The following KCNH8 variants were observed in gnomAD, a reference collection of about 807,000 sequenced individuals.
The protein encoded by KCNH8 is potassium voltage-gated channel subfamily H member 8.
In KCNH8, 70 loss-of-function variants were observed where a neutral mutation model predicts 103.6. The ratio of observed to expected loss-of-function variants is 0.68; its 90% CI spans 0.56 to 0.82. The LOEUF is 0.82. Ranked by LOEUF, KCNH8 falls within the 40% of genes least tolerant of loss-of-function variation. The pLI, the probability that KCNH8 is intolerant of heterozygous loss-of-function variation, is 0.00. For synonymous variants in KCNH8, 498 were observed against 489.4 expected (o/e 1.02, Z -0.23); for missense variants, 1,217 against 1,329.9 (o/e 0.92, Z 1.32).
intron 2 of KCNH8, 61 bp downstream of exon 2, chr3:19,253,948 A>C (rs2064313261): frequency 8.4e-7 from 1 of 1,184,110 alleles, no homozygotes. Flanking sequence ...CTTTCAACCT[A>C]GTAATTGCTC....
intron 11 of KCNH8, among the ~76,000 whole-genome samples, chr3:19,481,495 G>T (rs2068086162): frequency 6.6e-6 from 1 of 152,022 alleles, no homozygotes; most frequent in Admixed American, 6.5e-5. Context: ...ACTCAAAATT[G>T]GATAAGACTG....
intron 2 of KCNH8, among the ~76,000 whole-genome samples, chr3:19,257,398 G>C (rs562341368): frequency 6.6e-6 from 1 of 151,820 alleles, no homozygotes; most frequent in South Asian, 2.1e-4. Context: ...ATTCTTTCTC[G>C]TTATCCTTCA....
intron 1 of KCNH8, among the ~76,000 whole-genome samples, chr3:19,227,796 G>A (rs539668751): frequency 3.9e-5 from 6 of 152,208 alleles, no homozygotes; most frequent in South Asian, 2.1e-4. Context: ...GGTCAAAGTC[G>A]GTGGTCATGA....
intron 7 of KCNH8, among the ~76,000 whole-genome samples, chr3:19,419,712 C>T (rs1406603019): frequency 6.6e-6 from 1 of 151,542 alleles, no homozygotes; most frequent in African/African-American, 2.4e-5. Context: ...TTACGAAGGC[C>T]CCCATTTTAA....
At chr3:19,262,232 C>A (rs1264901497) in intron 2 of KCNH8, among the ~76,000 whole-genome samples, 1 of 151,906 alleles carries the variant, frequency 6.6e-6, no homozygotes, top group Non-Finnish European at 1.5e-5. Flanking sequence ...TCTTCCAATC[C>A]ATGAGCATGG....
intron 3 of KCNH8, among the ~76,000 whole-genome samples, chr3:19,297,874 C>T (rs1220815947): frequency 6.6e-6 from 1 of 152,098 alleles, no homozygotes; most frequent in African/African-American, 2.4e-5. Context: ...ATCAAGCTCT[C>T]CAGAAGTACC....
At chr3:19,230,788 C>T (rs1444447888) in intron 1 of KCNH8, among the ~76,000 whole-genome samples, 1 of 152,172 alleles carries the variant, frequency 6.6e-6, no homozygotes, top group Non-Finnish European at 1.5e-5. Context: ...ACTTGTATAT[C>T]TTTCATAAGG....
chr3:19,373,802 T>A (rs2066143719), intron 5 of KCNH8, among the ~76,000 whole-genome samples: 1 of 152,118 alleles, frequency 6.6e-6, no homozygotes, highest in African/African-American at 2.4e-5. Context: ...GATTCTGGTA[T>A]GTTGTGTCTT....
At chr3:19,433,018 T>G (rs1051489221) in intron 7 of KCNH8, among the ~76,000 whole-genome samples, 3 of 151,710 alleles carry the variant, frequency 2.0e-5, no homozygotes, top group African/African-American at 7.3e-5. Context: ...TTTTGGGGGG[T>G]TTTTTTGTAC....
At chr3:19,352,949 T>C (rs902962723) in intron 5 of KCNH8, among the ~76,000 whole-genome samples, 1 of 147,318 alleles carries the variant, frequency 6.8e-6, no homozygotes, top group Non-Finnish European at 1.5e-5. Flanking sequence ...CCAGGAGCTG[T>C]TTTTTTTTAA....
At chr3:19,380,441 C>T (rs1353630127) in intron 5 of KCNH8, among the ~76,000 whole-genome samples, 1 of 152,124 alleles carries the variant, frequency 6.6e-6, no homozygotes, top group Non-Finnish European at 1.5e-5. Flanking sequence ...TTTAATTCCT[C>T]CTGGCCCACT....
At chr3:19,292,817 G>A (rs1559462933) in intron 3 of KCNH8, among the ~76,000 whole-genome samples, 3 of 152,182 alleles carry the variant, frequency 2.0e-5, no homozygotes, top group African/African-American at 7.2e-5. Context: ...AAAGCCAAGG[G>A]CCTCTTTCTA....
At chr3:19,357,677 A>G (rs1261433025) in intron 5 of KCNH8, among the ~76,000 whole-genome samples, 1 of 151,930 alleles carries the variant, frequency 6.6e-6, no homozygotes, top group East Asian at 1.9e-4. Flanking sequence ...AGATTATGCC[A>G]TAAAGTTGTA....
chr3:19,354,102 C>T (rs2065844543), intron 5 of KCNH8, among the ~76,000 whole-genome samples: 1 of 151,702 alleles, frequency 6.6e-6, no homozygotes, highest in African/African-American at 2.4e-5. Flanking sequence ...AGACAGAGAG[C>T]CAAATCATGA....
intron 7 of KCNH8, among the ~76,000 whole-genome samples, chr3:19,434,438 T>G (rs1433425841): frequency 6.6e-6 from 1 of 152,232 alleles, no homozygotes; most frequent in Non-Finnish European, 1.5e-5. Context: ...CTTATCCTGA[T>G]ATCTCTCAGT....
intron 11 of KCNH8, among the ~76,000 whole-genome samples, chr3:19,478,217 C>T (rs746128492): frequency 3.3e-5 from 5 of 151,832 alleles, no homozygotes; most frequent in South Asian, 2.1e-4. Context: ...CATATCTTTG[C>T]TATTGTGACT....
intron 15 of KCNH8, among the ~76,000 whole-genome samples, chr3:19,531,940 A>G (rs1459612494): frequency 1.3e-5 from 2 of 152,202 alleles, no homozygotes; most frequent in Admixed American, 1.3e-4. Context: ...ATAAAAATAC[A>G]AAGTATTATA....
intron 8 of KCNH8, among the ~76,000 whole-genome samples, chr3:19,441,612 A>AT (rs1160803429): frequency 1.3e-5 from 2 of 152,230 alleles, no homozygotes; most frequent in African/African-American, 2.4e-5. Flanking sequence ...TTACTGAACT[A>AT]TAAGACTGCT....
At chr3:19,283,469 C>T (rs2125275667) in intron 3 of KCNH8, among the ~76,000 whole-genome samples, 1 of 152,102 alleles carries the variant, frequency 6.6e-6, no homozygotes, top group African/African-American at 2.4e-5. Context: ...GAAATATTTG[C>T]TAGTAAGTCC....
Sources: gnomAD v4.1 joint callset for allele counts (sites outside exome capture counted in the v4.1 genomes callset) on GRCh38, gnomAD v4.1.1 for gene constraint, MANE v1.5 for transcripts, NCBI Gene and HGNC (gene_info 2026-07-23, HGNC 2026-07-21) for gene names.